EIF2AK2: variants seen among roughly 807,000 people sequenced by gnomAD.
The protein encoded by EIF2AK2 is eukaryotic translation initiation factor 2 alpha kinase 2.
A neutral mutation model predicts 70.5 loss-of-function variants in EIF2AK2; 40 were observed. The observed-to-expected ratio is 0.57, with a 90% CI of 0.44 to 0.74. The LOEUF (loss-of-function observed/expected upper bound fraction) is 0.74. Ranked by LOEUF, EIF2AK2 falls within the 30% of genes least tolerant of loss-of-function variation. The probability of loss-of-function intolerance (pLI) is 0.00; values close to 1 mark genes in which losing one functional copy is unlikely to be tolerated. For synonymous variants in EIF2AK2, 198 were observed against 220.9 expected, an observed-to-expected ratio of 0.90 and a Z score of 0.92; for missense variants, 555 against 644.3, an observed-to-expected ratio of 0.86 and a Z score of 1.50.
At position 37,104,320 on chromosome 2, in the gene EIF2AK2, TTTATTA is replaced by T. The variant is rs888304697; in HGVS notation, c.*2947_*2952del. ...GCTGTTTGCTGGGTTGTTGCTTTCT[TTTATTA>T]TTATTATTATTTAGATATGATCTCA... On this transcript the variant is annotated 3_prime_UTR_variant, in exon 17 of 17. Transcript: ENST00000233057. 6.6e-6 allele frequency: 1 copy of T among 151,628 alleles called. No homozygotes were observed. Among genetic ancestry groups the T allele is most frequent in the African/African-American group, 2.4e-5 (1 of 41,266 alleles). 9.4% of individuals were successfully genotyped at this position (151,628 alleles called of 1,614,324 possible).
At chr2:37,136,908 C>T in intron 9 of EIF2AK2, 75 bp downstream of exon 9, 1 of 1,345,556 alleles carries the variant, frequency 7.4e-7, no homozygotes, top group Non-Finnish European at 1.0e-6. Context: ...CAATACTCTA[C>T]AAGTATTAAG....
chr2:37,155,995 A>G (rs532662016), intron 1 of EIF2AK2, among the ~76,000 whole-genome samples: 2 of 152,028 alleles, frequency 1.3e-5, no homozygotes, highest in East Asian at 1.9e-4. Context: ...GATAACTACT[A>G]TGTTGACAAC....
At chr2:37,125,372 G>A (rs563859548) in intron 11 of EIF2AK2, among the ~76,000 whole-genome samples, 37 of 152,288 alleles carry the variant, frequency 2.4e-4, no homozygotes, top group Non-Finnish European at 4.3e-4. Flanking sequence ...GGGCCTATTT[G>A]GCCTCCCCTT....
chr2:37,120,189 A>C (rs113575241), intron 12 of EIF2AK2, 50 bp from the exon 13 acceptor site: 3 of 1,163,206 alleles, frequency 2.6e-6, no homozygotes, highest in Non-Finnish European at 3.3e-6. Flanking sequence ...ATATAAATTT[A>C]TAAAAAATTT....
chr2:37,105,138 T>C lies in EIF2AK2; in HGVS notation c.*2135A>G, dbSNP rs1023679615. The C allele has an allele frequency of 1.8e-4, 27 of 152,244 alleles. No homozygotes were observed. Among genetic ancestry groups the C allele is most frequent in the African/African-American group, 6.5e-4 (27 of 41,468 alleles). 9.4% of individuals were successfully genotyped at this position (152,244 alleles called of 1,614,324 possible). On this transcript the variant is annotated 3_prime_UTR_variant, in exon 17 of 17. Transcript: ENST00000233057. ...CTATTTTCTCTTACTGTATTTTCACTTTTTGCTTAACCTAAATTTGGCCCT... is the reference window on the plus strand; with the variant it reads ...CTATTTTCTCTTACTGTATTTTCACCTTTTGCTTAACCTAAATTTGGCCCT...
chr2:37,155,939 CAAA>C (rs756767460), intron 1 of EIF2AK2, among the ~76,000 whole-genome samples: 1 of 110,816 alleles, frequency 9.0e-6, no homozygotes, highest in African/African-American at 3.5e-5. Flanking sequence ...GAATCTGTCT[CAAA>C]AAAAAAAAAA....
In EIF2AK2 at chr2:37,120,094, T is replaced by C. The variant is rs751469789; in HGVS notation, c.1113A>G (p.Lys371=). Residue 371 remains lysine, a synonymous_variant, in exon 13 of 17, where the codon AAA becomes AAG. Transcript: ENST00000233057. Reference sequence around the variant, plus strand: ...TTTCAATCCATTGTTCCAAGGTCCCTTTATCACAGAATTCCATTTGGATGA... The same window carrying C: ...TTTCAATCCATTGTTCCAAGGTCCCCTTATCACAGAATTCCATTTGGATGA... ...CLFIQMEFCD[K]GTLEQWIEKR... The C allele has an allele frequency of 2.0e-6, 3 of 1,493,950 alleles. No individual in the cohort carries two copies. Among genetic ancestry groups the C allele is most frequent in the East Asian group, 2.5e-5 (1 of 39,268 alleles). The allele number at this position is 1,493,950 out of a possible 1,614,324, so 92.5% of individuals were successfully genotyped here.
intron 12 of EIF2AK2, among the ~76,000 whole-genome samples, chr2:37,121,440 T>C (rs1251589770): frequency 6.6e-6 from 1 of 152,034 alleles, no homozygotes; most frequent in Non-Finnish European, 1.5e-5. Context: ...TCACCATTGA[T>C]CTACTAAGCA....
intron 12 of EIF2AK2, among the ~76,000 whole-genome samples, chr2:37,121,436 T>C (rs1355978113): frequency 2.6e-5 from 4 of 152,006 alleles, no homozygotes; most frequent in Admixed American, 1.3e-4. Flanking sequence ...TAATTCACCA[T>C]TGATCTACTA....
chr2:37,120,714 G>C (rs1674512897), intron 12 of EIF2AK2, among the ~76,000 whole-genome samples: 1 of 148,624 alleles, frequency 6.7e-6, no homozygotes, highest in South Asian at 2.2e-4. Context: ...TATAATCCTA[G>C]CACCTTGGGA....
At chr2:37,135,392 C>G in intron 10 of EIF2AK2, 92 bp downstream of exon 10, 2 of 1,009,720 alleles carry the variant, frequency 2.0e-6, no homozygotes, top group Non-Finnish European at 3.0e-6. Flanking sequence ...ATATTTTTAA[C>G]TGACAGGATC....
Position 37,133,442 on chromosome 2 carries a change from TG to T in EIF2AK2, c.785+2041del, listed in dbSNP as rs563538180. Among the ~76,000 whole-genome samples the T allele has an allele frequency of 2.3e-3, 349 of 152,270 alleles. 3 individuals are homozygous for T. Among genetic ancestry groups the T allele is most frequent in the Non-Finnish European group, 2.1e-3 (140 of 68,020 alleles). On this transcript the variant is annotated intron_variant, in intron 10 of 16. Coordinates refer to ENST00000233057, the MANE Select transcript of EIF2AK2 (RefSeq NM_001135651.3). ...TAATCCCTTCCTACAGTCAGGAAAC[TG>T]GGTTCTGGTAAAAGGTCCCAGCCCT...
intron 10 of EIF2AK2, among the ~76,000 whole-genome samples, chr2:37,135,030 T>C (rs558116383): frequency 6.6e-6 from 1 of 152,146 alleles, no homozygotes; most frequent in Non-Finnish European, 1.5e-5. Flanking sequence ...AATTACAGGG[T>C]TCTTTAGAAG....
chr2:37,153,414 T>C (rs1038731015), intron 1 of EIF2AK2, among the ~76,000 whole-genome samples: 1 of 148,740 alleles, frequency 6.7e-6, no homozygotes, highest in Non-Finnish European at 1.5e-5. Context: ...GATCACAGCT[T>C]ACTGCAGCCT....
chr2:37,112,961 A>T (rs189821517), intron 14 of EIF2AK2, among the ~76,000 whole-genome samples: 24 of 152,292 alleles, frequency 1.6e-4, no homozygotes, highest in Non-Finnish European at 1.8e-4. Context: ...TTCTGTCTCT[A>T]TGAATTTTCC....
intron 4 of EIF2AK2, among the ~76,000 whole-genome samples, chr2:37,146,426 G>A (rs1439364462): frequency 6.6e-6 from 1 of 152,138 alleles, no homozygotes; most frequent in Non-Finnish European, 1.5e-5. Flanking sequence ...GCATCCACAG[G>A]GAGTCCTGGT....
At chr2:37,140,909 G>A (rs1675308556) in intron 5 of EIF2AK2, among the ~76,000 whole-genome samples, 2 of 152,074 alleles carry the variant, frequency 1.3e-5, no homozygotes, top group South Asian at 4.2e-4. Context: ...GGTTGTAGTT[G>A]AAAAACAATT....
intron 10 of EIF2AK2, among the ~76,000 whole-genome samples, chr2:37,131,406 T>A (rs1298811949): frequency 1.3e-5 from 2 of 152,192 alleles, no homozygotes; most frequent in Non-Finnish European, 2.9e-5. Flanking sequence ...ACAGCCTCTT[T>A]AATTATCCCT....
chr2:37,112,699 C>T (rs1674200940), intron 14 of EIF2AK2, among the ~76,000 whole-genome samples: 1 of 152,106 alleles, frequency 6.6e-6, no homozygotes, highest in Non-Finnish European at 1.5e-5. Flanking sequence ...AGTCCAGAAA[C>T]ACATCTATGA....
Sources: gnomAD v4.1 joint callset for allele counts (sites outside exome capture counted in the v4.1 genomes callset) on GRCh38, gnomAD v4.1.1 for gene constraint, MANE v1.5 for transcripts, NCBI Gene and HGNC (gene_info 2026-07-23, HGNC 2026-07-21) for gene names.